MRTFA: variants seen among roughly 807,000 people sequenced by gnomAD.
The protein encoded by MRTFA is myocardin-related transcription factor A.
Under a neutral mutation model 83.5 loss-of-function variants are expected in MRTFA, and 20 were observed. That is an observed-to-expected ratio of 0.24 (90% CI 0.17 to 0.35). The LOEUF (loss-of-function observed/expected upper bound fraction) is 0.35. MRTFA is among the 10% of genes least tolerant of loss of function. MRTFA has a pLI of 1.00. For missense variants in MRTFA, 1,200 were observed against 1,224.7 expected, an observed-to-expected ratio of 0.98 and a Z score of 0.30; for synonymous variants, 659 against 541.2, an observed-to-expected ratio of 1.22 and a Z score of -3.02.
chr22:40,486,852 G>C (rs2054182303), intron 3 of MRTFA, among the ~76,000 whole-genome samples: 1 of 152,140 alleles, frequency 6.6e-6, no homozygotes, highest in Admixed American at 6.5e-5. Context: ...ACTTGCCTGT[G>C]GTCCCAGCTA....
At chr22:40,473,651 G>C (rs1470867013) in intron 3 of MRTFA, among the ~76,000 whole-genome samples, 1 of 152,190 alleles carries the variant, frequency 6.6e-6, no homozygotes, top group African/African-American at 2.4e-5. Flanking sequence ...CTTCAAACTA[G>C]GGAATGTGTT....
chr22:40,577,609 A>ATTTTT (rs71199293), intron 2 of MRTFA, among the ~76,000 whole-genome samples: 1 of 129,848 alleles, frequency 7.7e-6, no homozygotes, highest in Non-Finnish European at 1.7e-5. Context: ...TCTACATCTG[A>ATTTTT]TTTTTTTTTT....
chr22:40,500,231 G>C (rs568421402), intron 3 of MRTFA, among the ~76,000 whole-genome samples: 1 of 149,846 alleles, frequency 6.7e-6, no homozygotes, highest in Non-Finnish European at 1.5e-5. Flanking sequence ...GCCCGGCCCA[G>C]TCTATGATTT....
At chr22:40,458,546 G>A (rs998573434) in intron 4 of MRTFA, among the ~76,000 whole-genome samples, 1 of 152,196 alleles carries the variant, frequency 6.6e-6, no homozygotes, top group Non-Finnish European at 1.5e-5. Flanking sequence ...ACGATGTCAG[G>A]ACTGACAGCC....
intron 3 of MRTFA, among the ~76,000 whole-genome samples, chr22:40,487,976 G>T (rs2054201712): frequency 6.6e-6 from 1 of 152,000 alleles, no homozygotes; most frequent in Non-Finnish European, 1.5e-5. Context: ...AAAGAAGAAA[G>T]AAAAACTTAA....
intron 4 of MRTFA, among the ~76,000 whole-genome samples, chr22:40,455,727 G>A (rs539995628): frequency 7.9e-5 from 12 of 151,794 alleles, no homozygotes; most frequent in Non-Finnish European, 1.0e-4. Context: ...GGGTGTCGGG[G>A]TGGCAGAGGA....
At chr22:40,563,076 T>C (rs1189681798) in intron 2 of MRTFA, among the ~76,000 whole-genome samples, 1 of 152,096 alleles carries the variant, frequency 6.6e-6, no homozygotes, top group Non-Finnish European at 1.5e-5. Context: ...AGTAACAATA[T>C]AACACTGCCT....
Position 40,614,059 on chromosome 22 carries a change from G to A in MRTFA, c.-83-19324C>T, listed in dbSNP as rs146762980. Among the ~76,000 whole-genome samples the A allele has an allele frequency of 7.7e-3, 1,171 of 151,382 alleles. 14 individuals are homozygous for A. The highest frequency in any genetic ancestry group is 0.027 in the African/African-American group (1,108 of 41,256). ...TACTAAAAATACAAAAAAATTAGCCGGGCATGGTGGCGCATGCCTGTAATC... is the reference window on the plus strand; with the variant it reads ...TACTAAAAATACAAAAAAATTAGCCAGGCATGGTGGCGCATGCCTGTAATC... On this transcript the variant is annotated intron_variant, in intron 1 of 14. Coordinates refer to ENST00000355630, the MANE Select transcript of MRTFA (RefSeq NM_020831.6).
At chr22:40,565,284 T>A (rs1012211019) in intron 2 of MRTFA, among the ~76,000 whole-genome samples, 33 of 152,222 alleles carry the variant, frequency 2.2e-4, no homozygotes, top group Middle Eastern at 6.8e-3. Flanking sequence ...CAGTGGTGCA[T>A]GCCTGCAATC....
At chr22:40,536,374 G>A (rs1402410629) in intron 3 of MRTFA, among the ~76,000 whole-genome samples, 5 of 144,896 alleles carry the variant, frequency 3.5e-5, no homozygotes, top group African/African-American at 1.3e-4. Context: ...GGGCAGCGGA[G>A]CTGTCTCAGT....
chr22:40,569,767 A>C (rs199796575), intron 2 of MRTFA: 9,248 of 120,622 alleles, frequency 0.077, 403 homozygotes, highest in East Asian at 0.14. Flanking sequence ...ATACATACAT[A>C]CATACATACA....
intron 3 of MRTFA, among the ~76,000 whole-genome samples, chr22:40,514,017 C>T (rs1185046843): frequency 2.6e-5 from 4 of 151,652 alleles, no homozygotes; most frequent in East Asian, 3.9e-4. Flanking sequence ...TTTGGGAGGC[C>T]GAGGCAGGCA....
At chr22:40,607,170 A>G (rs1020877328) in intron 1 of MRTFA, among the ~76,000 whole-genome samples, 1 of 152,228 alleles carries the variant, frequency 6.6e-6, no homozygotes, top group African/African-American at 2.4e-5. Flanking sequence ...AAGCCCAGCC[A>G]GAATGAGTTT....
rs2053893527 is a variant in MRTFA, at chr22:40,470,650, C to A, written c.242-7364G>T. Among the ~76,000 whole-genome samples, 3 of 151,952 alleles carry A rather than the reference C, an allele frequency of 2.0e-5. No individual in the cohort carries two copies. The South Asian group carries it at 6.3e-4, about 32-fold the overall frequency. On this transcript the variant is annotated intron_variant, in intron 3 of 14. Coordinates refer to ENST00000355630, the MANE Select transcript of MRTFA (RefSeq NM_020831.6). ...GAAATTAAAGTGGTAAGCAATGATA[C>A]AGAAAACAGAAAAACAGGCCAGGTG...
At chr22:40,560,063 G>A (rs944455574) in intron 2 of MRTFA, among the ~76,000 whole-genome samples, 3 of 151,986 alleles carry the variant, frequency 2.0e-5, no homozygotes, top group African/African-American at 4.8e-5. Flanking sequence ...AAAAGTTTCA[G>A]GATACATCCT....
intron 1 of MRTFA, among the ~76,000 whole-genome samples, chr22:40,612,880 G>C (rs1332371395): frequency 2.6e-5 from 4 of 152,112 alleles, no homozygotes; most frequent in African/African-American, 7.2e-5. Context: ...ACAGGAGGTC[G>C]AGCCTGCAGT....
chr22:40,631,591 C>T (rs901793751), intron 1 of MRTFA, among the ~76,000 whole-genome samples: 16 of 152,122 alleles, frequency 1.1e-4, no homozygotes, highest in African/African-American at 3.6e-4. Context: ...AACTGCTCAT[C>T]TATCACTAAG....
Position 40,423,691 on chromosome 22 carries a change from A to AG in MRTFA, c.778-7dup. 1 of 1,534,010 alleles carries AG rather than the reference A, an allele frequency of 6.5e-7. No individual in the cohort carries two copies. Among genetic ancestry groups the AG allele is most frequent in the Non-Finnish European group, 8.8e-7 (1 of 1,134,828 alleles). ...ATCGGAAGTTGAGACACAACCTGAG[A>AG]GGGAAAAAGGGAAGTGAGGACATGG... On this transcript the variant is annotated splice_region_variant and splice_polypyrimidine_tract_variant and intron_variant, in intron 8 of 14. Coordinates refer to ENST00000355630, the MANE Select transcript of MRTFA (RefSeq NM_020831.6).
At chr22:40,525,164 A>G (rs1316828411) in intron 3 of MRTFA, among the ~76,000 whole-genome samples, 1 of 152,168 alleles carries the variant, frequency 6.6e-6, no homozygotes, top group African/African-American at 2.4e-5. Flanking sequence ...AGAAAATCAG[A>G]AAGATACAGG....
Sources: gnomAD v4.1 joint callset for allele counts (sites outside exome capture counted in the v4.1 genomes callset) on GRCh38, gnomAD v4.1.1 for gene constraint, MANE v1.5 for transcripts, NCBI Gene and HGNC (gene_info 2026-07-23, HGNC 2026-07-21) for gene names.